Variants in USPL1 observed in about 807,000 individuals in gnomAD.
The protein encoded by USPL1 is SUMO-specific isopeptidase USPL1.
A neutral mutation model predicts 51.5 loss-of-function variants in USPL1; 27 were observed. The observed-to-expected ratio is 0.52, with a 90% confidence interval of 0.39 to 0.72. USPL1 has a LOEUF of 0.72. Among genes scored for constraint, USPL1 ranks in the 30% least tolerant of loss-of-function variants. The pLI, the probability that USPL1 is intolerant of heterozygous loss-of-function variation, is 0.00. For missense variants in USPL1, 1,226 were observed against 1,268.0 expected, an observed-to-expected ratio of 0.97 and a Z score of 0.50; for synonymous variants, 451 against 459.6, an observed-to-expected ratio of 0.98 and a Z score of 0.24.
At chr13:30,629,421 A>T (rs1313166045) in intron 3 of USPL1, among the ~76,000 whole-genome samples, 1 of 152,144 alleles carries the variant, frequency 6.6e-6, no homozygotes, top group Non-Finnish European at 1.5e-5. Context: ...CAGGAGGCAG[A>T]GGTTGCAGTG....
chr13:30,658,433 T>G lies in USPL1; in HGVS notation c.2356T>G (p.Leu786Val), dbSNP rs35371042. Residue 786 changes from leucine to valine, a missense_variant, in exon 9 of 9, where the codon TTA becomes GTA. Transcript: ENST00000255304. Reference sequence around the variant, plus strand: ...TCATAATAGAAACACTATAACTGATTTACAACCTTCAGTTAAAGGGGTAAA... The same window carrying G: ...TCATAATAGAAACACTATAACTGATGTACAACCTTCAGTTAAAGGGGTAAA... ...SAHNRNTITD[L>V]QPSVKGVNNF... 6.2e-7 allele frequency: 1 copy of G among 1,613,732 alleles called. No homozygotes were observed. The highest frequency in any genetic ancestry group is 1.1e-5 in the South Asian group (1 of 91,090).
chr13:30,624,802 C>T (rs1950690187), intron 3 of USPL1, among the ~76,000 whole-genome samples: 2 of 152,208 alleles, frequency 1.3e-5, no homozygotes, highest in Admixed American at 6.5e-5. Flanking sequence ...ACAGAAAATA[C>T]TTCTGCAAGG....
intron 4 of USPL1, among the ~76,000 whole-genome samples, chr13:30,634,429 A>G (rs1950847831): frequency 6.6e-6 from 1 of 152,226 alleles, no homozygotes; most frequent in African/African-American, 2.4e-5. Flanking sequence ...CTGAAACCAT[A>G]GGAAGCAAAA....
chr13:30,653,667 G>A (rs770466393), intron 8 of USPL1, among the ~76,000 whole-genome samples: 14 of 151,702 alleles, frequency 9.2e-5, no homozygotes, highest in South Asian at 2.1e-4. Context: ...TTAGACTTAC[G>A]TAGCCCTTCT....
intron 2 of USPL1, 83 bp from the exon 3 acceptor site, chr13:30,621,681 C>T (rs897284587): frequency 2.7e-6 from 3 of 1,106,680 alleles, no homozygotes; most frequent in South Asian, 3.1e-5. Context: ...ATAATTTTTT[C>T]TGGTTACCTT....
chr13:30,627,454 G>A (rs186382920), intron 3 of USPL1, among the ~76,000 whole-genome samples: 4 of 151,972 alleles, frequency 2.6e-5, no homozygotes, highest in East Asian at 3.9e-4. Flanking sequence ...AGACACTTGC[G>A]AAGAGTGTGG....
At chr13:30,629,907 G>A (rs1347419979) in intron 3 of USPL1, among the ~76,000 whole-genome samples, 1 of 152,102 alleles carries the variant, frequency 6.6e-6, no homozygotes, top group Non-Finnish European at 1.5e-5. Flanking sequence ...TAGTTCATAG[G>A]GAGGGCCATC....
intron 4 of USPL1, among the ~76,000 whole-genome samples, chr13:30,634,970 A>G (rs1408149527): frequency 6.6e-6 from 1 of 152,012 alleles, no homozygotes; most frequent in Admixed American, 6.5e-5. Context: ...TATTGCTCAT[A>G]TTTGTTCCCT....
chr13:30,621,746 G>T lies in USPL1; in HGVS notation c.100-18G>T. The T allele has an allele frequency of 6.9e-7, 1 of 1,446,582 alleles. No individual in the cohort carries two copies. Among genetic ancestry groups the T allele is most frequent in the South Asian group, 1.6e-5 (1 of 61,878 alleles). 89.6% of individuals were successfully genotyped at this position (1,446,582 alleles called of 1,614,324 possible). On this transcript the variant is annotated intron_variant, in intron 2 of 8. Transcript: ENST00000255304. ...TCTAGGAATGTCTATATTTTAATTT[G>T]CTTTATTTCTCTTTTAGAATTTTGA...
At chr13:30,627,771 G>C (rs1950740279) in intron 3 of USPL1, among the ~76,000 whole-genome samples, 1 of 151,994 alleles carries the variant, frequency 6.6e-6, no homozygotes, top group African/African-American at 2.4e-5. Flanking sequence ...TTGTGCAGCA[G>C]ATCTCTAGAA....
At chr13:30,653,036 T>C in intron 7 of USPL1, 112 bp from the exon 8 acceptor site, 1 of 1,103,886 alleles carries the variant, frequency 9.1e-7, no homozygotes, top group Non-Finnish European at 1.3e-6. Flanking sequence ...GAAAAATTAG[T>C]GCAGTTAGCC....
rs930231424 is a variant in USPL1 at position 30,660,329 on chromosome 13, C to G, written c.*973C>G. ...TTACCCCCCTGCTTTGATCTGAGAG[C>G]TGGTGCCAATAGCAGGGAGAAGCCA... On this transcript the variant is annotated 3_prime_UTR_variant, in exon 9 of 9. Transcript: ENST00000255304. The G allele has an allele frequency of 6.6e-6, 1 of 152,292 alleles. No homozygotes were observed. Among genetic ancestry groups the G allele is most frequent in the African/African-American group, 2.4e-5 (1 of 41,460 alleles). The allele number at this position is 152,292 out of a possible 1,614,324, so 9.4% of individuals were successfully genotyped here. A position where few individuals can be genotyped will look rare whatever the true frequency, so the allele number is the denominator to read the frequency against.
chr13:30,657,921 A>G lies in USPL1; in HGVS notation c.1844A>G (p.Glu615Gly). The G allele has an allele frequency of 6.2e-7, 1 of 1,613,930 alleles. No homozygotes were observed. The highest frequency in any genetic ancestry group is 1.1e-5 in the South Asian group (1 of 91,082). The change falls in exon 9 of 9, where the codon GAA becomes GGA. Residue 615 changes from glutamate to glycine, a missense_variant. Physicochemically the swap from Glu to Gly is moderately conservative, Grantham distance 98. Coordinates refer to ENST00000255304, the MANE Select transcript of USPL1 (RefSeq NM_005800.5). ...CTGTTAGAAAATAAACCTGTAGCAG[A>G]AAATACAGGAATTCTCAAAACCAAT... The part of the protein sequence containing the change: ...AFLLENKPVA[E>G]NTGILKTNTL...
rs1329050840 is a variant in USPL1, at chr13:30,653,321, T to C, written c.1396+16T>C. ...GATGCTGATGGTAAGTGTTTAGAGG[T>C]TTTCTTTTAAGATAATTGGCATAGA... is the stretch of plus-strand genomic sequence containing the variant. On this transcript the variant is annotated intron_variant, in intron 8 of 8. Transcript: ENST00000255304. 1 of 1,546,974 alleles carries C rather than the reference T, an allele frequency of 6.5e-7. No homozygotes were observed. Among genetic ancestry groups the C allele is most frequent in the Non-Finnish European group, 8.8e-7 (1 of 1,140,580 alleles).
At position 30,659,402 on chromosome 13, in the gene USPL1, A is replaced by T. The variant is rs989699956; in HGVS notation, c.*46A>T. The T allele has an allele frequency of 1.4e-6, 2 of 1,422,166 alleles. No individual in the cohort carries two copies. Among genetic ancestry groups the T allele is most frequent in the African/African-American group, 2.9e-5 (2 of 68,948 alleles). 88.1% of individuals were successfully genotyped at this position (1,422,166 alleles called of 1,614,324 possible). On this transcript the variant is annotated 3_prime_UTR_variant, in exon 9 of 9. Coordinates refer to ENST00000255304, the MANE Select transcript of USPL1 (RefSeq NM_005800.5). ...TTCATATAATATTTATTATTATTAG[A>T]AGAACTTACAATGTGTTCAGGTAGT...
chr13:30,637,008 C>T (rs1411524688), intron 4 of USPL1, among the ~76,000 whole-genome samples: 1 of 152,016 alleles, frequency 6.6e-6, no homozygotes, highest in Admixed American at 6.6e-5. Flanking sequence ...TGCAGTAGTA[C>T]AATCACAGCT....
Position 30,631,369 on chromosome 13 carries a change from G to C in USPL1, c.763G>C (p.Val255Leu), listed in dbSNP as rs754430276. 6.8e-6 allele frequency: 11 copies of C among 1,614,094 alleles called. No homozygotes were observed. In the East Asian group the frequency reaches 2.4e-4, roughly 36 times the overall value. Reference sequence around the variant, plus strand: ...GCACTCGGAAGAGTTAAAGAACACCGTGACTGGACTGTGCTCGAAGGAGGA... The same window carrying C: ...GCACTCGGAAGAGTTAAAGAACACCCTGACTGGACTGTGCTCGAAGGAGGA... ...LVHSEELKNT[V>L]TGLCSKEESI... The change falls in exon 4 of 9, where the codon GTG becomes CTG. Residue 255 changes from valine to leucine, a missense_variant. Coordinates refer to ENST00000255304, the MANE Select transcript of USPL1 (RefSeq NM_005800.5).
At chr13:30,651,824 G>A (rs1303583191) in intron 7 of USPL1, among the ~76,000 whole-genome samples, 1 of 152,126 alleles carries the variant, frequency 6.6e-6, no homozygotes, top group Non-Finnish European at 1.5e-5. Flanking sequence ...TGGTATGGTG[G>A]CGCATGCCTG....
rs1032717921 is a variant in USPL1 at position 30,658,177 on chromosome 13, T to C, written c.2100T>C (p.Ala700=). 2 of 1,613,294 alleles carry C rather than the reference T, an allele frequency of 1.2e-6. No homozygotes were observed. Among genetic ancestry groups the C allele is most frequent in the Admixed American group, 1.7e-5 (1 of 59,904 alleles). The part of the protein sequence containing the change: ...GVKSVEIEKD[A]QLKQFLTPKT... ...AGTCAGTAGAAATTGAGAAGGACGC[T>C]CAGTTAAAACAATTCCTTACACCAA... The change falls in exon 9 of 9, where the codon GCT becomes GCC. Residue 700 remains alanine, a synonymous_variant. Transcript: ENST00000255304.
Sources: gnomAD v4.1 joint callset for allele counts (sites outside exome capture counted in the v4.1 genomes callset) on GRCh38, gnomAD v4.1.1 for gene constraint, MANE v1.5 for transcripts, NCBI Gene and HGNC (gene_info 2026-07-23, HGNC 2026-07-21) for gene names.